The following FRMD6 variants were observed in gnomAD, a reference collection of about 807,000 sequenced individuals.
FRMD6 encodes FERM domain-containing protein 6.
FRMD6 carries 37 observed loss-of-function variants against 73.2 expected under a neutral mutation model. That is an observed-to-expected ratio of 0.51 (90% confidence interval 0.39 to 0.66). The LOEUF (loss-of-function observed/expected upper bound fraction) is 0.66, where lower values mean the gene tolerates loss of function less well. FRMD6 is among the 30% of genes least tolerant of loss of function. The pLI, the probability that FRMD6 is intolerant of heterozygous loss-of-function variation, is 0.00. For missense variants in FRMD6, 714 were observed against 780.5 expected (o/e 0.91, Z 1.02); for synonymous variants, 273 against 282.2 (o/e 0.97, Z 0.33).
chr14:51,556,914 T>TATTCTAAACCCAAA (rs1887166609), intron 1 of FRMD6, among the ~76,000 whole-genome samples: 1 of 152,196 alleles, frequency 6.6e-6, no homozygotes, highest in African/African-American at 2.4e-5. Flanking sequence ...GATGCCTGCT[T>TATTCTAAACCCAAA]TTCCAGACTC....
chr14:51,438,816 A>G, the FRMD6 span, among the ~76,000 whole-genome samples: 1 of 152,234 alleles, frequency 6.6e-6, no homozygotes, highest in Non-Finnish European at 1.5e-5. Context: ...ACCATCAAAT[A>G]GACCTGGTGC....
At chr14:51,678,011 C>T (rs535744084) in intron 1 of FRMD6, among the ~76,000 whole-genome samples, 34 of 152,270 alleles carry the variant, frequency 2.2e-4, no homozygotes, top group African/African-American at 7.9e-4. Context: ...CCACCCATTT[C>T]ACTTTAGGCT....
At chr14:51,546,872 G>C (rs561138868) in intron 1 of FRMD6, 1 of 152,228 alleles carries the variant, frequency 6.6e-6, no homozygotes, top group Admixed American at 6.5e-5. Flanking sequence ...GAACTAATTT[G>C]AGAAACCCGG....
chr14:51,675,101 A>G (rs903714908), intron 1 of FRMD6, among the ~76,000 whole-genome samples: 3 of 152,174 alleles, frequency 2.0e-5, no homozygotes, highest in Admixed American at 6.6e-5. Flanking sequence ...GTACCACTGA[A>G]AATGAGATTC....
At chr14:51,462,784 A>AAGAGAG in the FRMD6 span, among the ~76,000 whole-genome samples, 13 of 149,478 alleles carry the variant, frequency 8.7e-5, no homozygotes, top group Non-Finnish European at 8.9e-5. Context: ...ATAAGGGAGG[A>AAGAGAG]AGAGAGAGAG....
intron 3 of FRMD6, 64 bp downstream of exon 3, chr14:51,698,296 GCTATAACTTAAATT>G: frequency 8.2e-6 from 9 of 1,097,010 alleles, no homozygotes; most frequent in Non-Finnish European, 9.5e-6. Flanking sequence ...ACATCTTATA[GCTATAACTTAAATT>G]GGGCCTATTG....
At chr14:51,439,995 C>T in the FRMD6 span, among the ~76,000 whole-genome samples, 1 of 152,030 alleles carries the variant, frequency 6.6e-6, no homozygotes, top group East Asian at 1.9e-4. Flanking sequence ...TCGGATCCAC[C>T]CTTGGCATTA....
At chr14:51,446,776 A>C in the FRMD6 span, among the ~76,000 whole-genome samples, 1 of 152,188 alleles carries the variant, frequency 6.6e-6, no homozygotes, top group African/African-American at 2.4e-5. Context: ...ACTTTGCCAA[A>C]TCCTGACCAT....
intron 1 of FRMD6, among the ~76,000 whole-genome samples, chr14:51,492,476 T>C (rs1228316708): frequency 6.6e-6 from 1 of 152,100 alleles, no homozygotes; most frequent in Non-Finnish European, 1.5e-5. Flanking sequence ...GACCATTGGA[T>C]GACTCTGGTT....
At chr14:51,710,226 G>A (rs567778441) in intron 7 of FRMD6, among the ~76,000 whole-genome samples, 14 of 152,228 alleles carry the variant, frequency 9.2e-5, no homozygotes, top group African/African-American at 2.9e-4. Flanking sequence ...ACATAATGAA[G>A]TGGGGGAAAA....
At chr14:51,493,871 G>A (rs529881012) in intron 1 of FRMD6, among the ~76,000 whole-genome samples, 2 of 152,210 alleles carry the variant, frequency 1.3e-5, no homozygotes, top group East Asian at 3.9e-4. Context: ...CATGGCTTAT[G>A]AACAATAGAA....
Position 51,702,599 on chromosome 14 carries a change from A to AG in FRMD6, c.371+16dup. 6.2e-7 allele frequency: 1 copy of AG among 1,603,930 alleles called. No individual in the cohort carries two copies. Among genetic ancestry groups the AG allele is most frequent in the African/African-American group, 1.3e-5 (1 of 74,582 alleles). On this transcript the variant is annotated intron_variant, in intron 5 of 13. Transcript: ENST00000344768. ...TGGCAGATTGATCAGGTAAGAGGAC[A>AG]GGGGGTGATTCTAAACGCTTTTTTT...
intron 1 of FRMD6, among the ~76,000 whole-genome samples, chr14:51,494,311 T>C (rs1192530855): frequency 6.6e-6 from 1 of 152,192 alleles, no homozygotes; most frequent in Non-Finnish European, 1.5e-5. Context: ...GCTCTCTAGC[T>C]ATGAATCTAT....
At chr14:51,612,345 C>T (rs1236470351) in intron 2 of FRMD6, among the ~76,000 whole-genome samples, 1 of 152,150 alleles carries the variant, frequency 6.6e-6, no homozygotes, top group Non-Finnish European at 1.5e-5. Context: ...GAAAACACTC[C>T]ATCTCTCTGT....
chr14:51,580,371 A>T (rs1189399212), intron 2 of FRMD6, among the ~76,000 whole-genome samples: 1 of 152,192 alleles, frequency 6.6e-6, no homozygotes, highest in African/African-American at 2.4e-5. Context: ...GCAAACACCT[A>T]TGAGCACTCC....
At chr14:51,414,831 CA>C in the FRMD6 span, among the ~76,000 whole-genome samples, 1 of 152,118 alleles carries the variant, frequency 6.6e-6, no homozygotes, top group African/African-American at 2.4e-5. Context: ...TTGTGTTGAG[CA>C]GTGGTTTGTA....
At chr14:51,506,409 C>T (rs768309657) in intron 1 of FRMD6, among the ~76,000 whole-genome samples, 15 of 152,170 alleles carry the variant, frequency 9.9e-5, no homozygotes, top group African/African-American at 3.1e-4. Context: ...AGGATACTGG[C>T]GAAAAGAGGC....
intron 1 of FRMD6, among the ~76,000 whole-genome samples, chr14:51,688,041 A>C (rs1386908256): frequency 6.6e-6 from 1 of 151,988 alleles, no homozygotes; most frequent in African/African-American, 2.4e-5. Context: ...CATTACAAAC[A>C]CCCAGGTGAT....
At chr14:51,459,884 CTTTTT>C in the FRMD6 span, among the ~76,000 whole-genome samples, 2 of 74,652 alleles carry the variant, frequency 2.7e-5, no homozygotes, top group Non-Finnish European at 4.6e-5. Flanking sequence ...TACTGACTCT[CTTTTT>C]TTTTTTTTTT....
Sources: gnomAD v4.1 joint callset for allele counts (sites outside exome capture counted in the v4.1 genomes callset) on GRCh38, gnomAD v4.1.1 for gene constraint, MANE v1.5 for transcripts, NCBI Gene and HGNC (gene_info 2026-07-23, HGNC 2026-07-21) for gene names.